Variants in ERF observed in about 807,000 individuals in gnomAD.
ERF encodes the protein ETS domain-containing transcription factor ERF.
A neutral mutation model predicts 41.6 loss-of-function variants in ERF; 10 were observed. The ratio of observed to expected loss-of-function variants is 0.24; its 90% CI spans 0.15 to 0.41. The LOEUF is 0.41. ERF is among the 10% of genes least tolerant of loss of function. The pLI is 1.00. For missense variants in ERF, 621 were observed against 763.2 expected (o/e 0.81, Z 2.19); for synonymous variants, 395 against 342.4 (o/e 1.15, Z -1.70).
intron 1 of ERF, 89 bp downstream of exon 1, chr19:42,254,888 TC>T (rs2036507982): frequency 4.3e-6 from 6 of 1,393,494 alleles, no homozygotes; most frequent in Middle Eastern, 1.8e-4. Flanking sequence ...TCACTCGGGC[TC>T]CCCCGGACCC....
chr19:42,251,427 A>T, intron 1 of ERF: 1 of 403,380 alleles, frequency 2.5e-6, no homozygotes, highest in Non-Finnish European at 2.8e-6. Context: ...TGGTCTCTGG[A>T]GGGGGTGGGC....
In ERF at chr19:42,255,007, G is replaced by A. The variant is rs749485105; in HGVS notation, c.-8C>T. ...GTCCGCCGGGGTCTTCATGCTGGGG[G>A]GCCCGGGGCGAAGCGCCCCGATTCC... On this transcript the variant is annotated 5_prime_UTR_variant, in exon 1 of 4. Coordinates refer to ENST00000222329, the MANE Select transcript of ERF (RefSeq NM_006494.4). 10 of 1,434,356 alleles carry A rather than the reference G, an allele frequency of 7.0e-6. No homozygotes were observed. Among genetic ancestry groups the A allele is most frequent in the African/African-American group, 1.5e-5 (1 of 66,988 alleles). The allele number at this position is 1,434,356 out of a possible 1,614,324, so 88.9% of individuals were successfully genotyped here. A position where few individuals can be genotyped will look rare whatever the true frequency, so the allele number is the denominator to read the frequency against.
rs566721892 is a variant in ERF, at chr19:42,248,368, G to C, written c.*97C>G. On this transcript the variant is annotated 3_prime_UTR_variant, in exon 4 of 4. Transcript: ENST00000222329. This position sits in a 1 kb window ranked among gnomAD's most constrained non-coding sequence, Gnocchi z 4.2. ...GGGAAAAGGGAGGAGGCAGGGAAGA[G>C]ACAAGAGAGCTGCCCTCACCTCCAG... 8 of 1,115,638 alleles carry C rather than the reference G, an allele frequency of 7.2e-6. No homozygotes were observed. In the Middle Eastern group the frequency reaches 9.8e-4, roughly 136 times the overall value. 69.1% of individuals were successfully genotyped at this position (1,115,638 alleles called of 1,614,324 possible). A position where few individuals can be genotyped will look rare whatever the true frequency, so the allele number is the denominator to read the frequency against.
chr19:42,255,105 C>G lies in ERF; in HGVS notation c.-106G>C. On this transcript the variant is annotated 5_prime_UTR_variant, in exon 1 of 4. Coordinates refer to ENST00000222329, the MANE Select transcript of ERF (RefSeq NM_006494.4). ...GTCGGGCCGCCCTCGCCGCCTCACCCGGCCTCGCCTCTCAGAGCCTCTCCC... is the reference window on the plus strand; with the variant it reads ...GTCGGGCCGCCCTCGCCGCCTCACCGGGCCTCGCCTCTCAGAGCCTCTCCC... The G allele has an allele frequency of 9.6e-7, 1 of 1,037,422 alleles. No individual in the cohort carries two copies. The highest frequency in any genetic ancestry group is 1.2e-6 in the Non-Finnish European group (1 of 803,942). 64.3% of individuals were successfully genotyped at this position (1,037,422 alleles called of 1,614,324 possible).
rs749850802 is a variant in ERF at position 42,248,863 on chromosome 19, C to T, written c.1249G>A (p.Ala417Thr). 1.9e-6 allele frequency: 3 copies of T among 1,602,116 alleles called. No homozygotes were observed. Among genetic ancestry groups the T allele is most frequent in the Non-Finnish European group, 2.6e-6 (3 of 1,175,102 alleles). ...ATCTGTGGTGGCGGGGGCGGTGGGG[C>T]TAGCGCCCCTGCCCCCTCAGCCAGC... The part of the protein sequence containing the change: ...GGLAEGAGAL[A>T]PPPPPPQIKV... Residue 417 changes from alanine (A) to threonine (T), a missense_variant, in exon 4 of 4, where the codon GCC (alanine) becomes ACC (threonine). Ala to Thr is a moderately conservative substitution (Grantham distance 58, BLOSUM62 0). Coordinates refer to ENST00000222329, the MANE Select transcript of ERF (RefSeq NM_006494.4). The surrounding 1 kb of genome is among the most constrained non-coding windows in gnomAD (Gnocchi z 4.2).
rs1410215570 is a variant in ERF, at chr19:42,250,579, G to A, written c.23-14C>T. Reference sequence around the variant, plus strand: ...GGAAGGCAAACCCTGGGGACGGGAGGCAGGGAGTGGCCTGGGGTCAGGCTG... The same window carrying A: ...GGAAGGCAAACCCTGGGGACGGGAGACAGGGAGTGGCCTGGGGTCAGGCTG... On this transcript the variant is annotated splice_polypyrimidine_tract_variant and intron_variant, in intron 1 of 3. Coordinates refer to ENST00000222329, the MANE Select transcript of ERF (RefSeq NM_006494.4). The surrounding 1 kb of genome is among the most constrained non-coding windows in gnomAD (Gnocchi z 5.1). The A allele has an allele frequency of 1.2e-6, 2 of 1,611,104 alleles. No homozygotes were observed. Among genetic ancestry groups the A allele is most frequent in the South Asian group, 1.1e-5 (1 of 90,776 alleles).
At position 42,248,629 on chromosome 19, in the gene ERF, C is replaced by T. The variant is rs772231752; in HGVS notation, c.1483G>A (p.Glu495Lys). ...CCCCCAGCGGGGCCCCCACCCCCTT[C>T]GAGGCGACAGTCTTCACTCCAGCGC... is the stretch of plus-strand genomic sequence containing the variant. ...KRRWSEDCRL[E>K]GGGGPAGGFE... The change falls in exon 4 of 4, where the codon GAA becomes AAA. Residue 495 changes from glutamate to lysine, a missense_variant. By Grantham distance (56) the Glu-to-Lys change is moderately conservative. This residue lies in a region of ERF where 569 missense variants were observed against 625.5 expected (regional missense o/e 0.91). Coordinates refer to ENST00000222329, the MANE Select transcript of ERF (RefSeq NM_006494.4). The surrounding 1 kb of genome is among the most constrained non-coding windows in gnomAD (Gnocchi z 4.2). 20 of 1,585,070 alleles carry T rather than the reference C, an allele frequency of 1.3e-5. No homozygotes were observed. Among genetic ancestry groups the T allele is most frequent in the Admixed American group, 1.7e-5 (1 of 57,272 alleles).
In ERF at chr19:42,254,969, C is replaced by A; in HGVS notation, c.22+9G>T. 1 of 1,493,288 alleles carries A rather than the reference C, an allele frequency of 6.7e-7. No individual in the cohort carries two copies. The highest frequency in any genetic ancestry group is 8.8e-7 in the Non-Finnish European group (1 of 1,130,430). 92.5% of individuals were successfully genotyped at this position (1,493,288 alleles called of 1,614,324 possible). A position where few individuals can be genotyped will look rare whatever the true frequency, so the allele number is the denominator to read the frequency against. On this transcript the variant is annotated intron_variant, in intron 1 of 3. Coordinates refer to ENST00000222329, the MANE Select transcript of ERF (RefSeq NM_006494.4). ...AAGTCTCCCCCACACGTGCTGCCCC[C>A]GCCCCCACCTGTGTCCGCCGGGGTC...
At chr19:42,253,875 G>A (rs1005207024) in intron 1 of ERF, 1 of 1,077,404 alleles carries the variant, frequency 9.3e-7, no homozygotes, top group African/African-American at 1.7e-5. Context: ...CGCCGCCGCC[G>A]CCGCCGCCGC....
rs1294545237 is a variant in ERF at position 42,249,730 on chromosome 19, C to A, written c.382G>T (p.Val128Leu). Residue 128 changes from valine (V) to leucine (L), a missense_variant, in exon 4 of 4, where the codon GTG becomes TTG. Physicochemically the swap from Val to Leu is conservative, Grantham distance 32 (BLOSUM62 1). This residue lies in a region of ERF where 569 missense variants were observed against 625.5 expected (regional missense o/e 0.91). Coordinates refer to ENST00000222329, the MANE Select transcript of ERF (RefSeq NM_006494.4). The surrounding 1 kb of genome is among the most constrained non-coding windows in gnomAD (Gnocchi z 8.6). Reference sequence around the variant, plus strand: ...GGCACTGGCGGGGCACTCTGGGGCACTGCACCCCCTGGCAGAAGGGAGACA... The same window carrying A: ...GGCACTGGCGGGGCACTCTGGGGCAATGCACCCCCTGGCAGAAGGGAGACA... ...FIDVGLAGGA[V>L]PQSAPPVPSG... is the part of the protein sequence containing the mutation. 11 of 1,602,858 alleles carry A rather than the reference C, an allele frequency of 6.9e-6. No individual in the cohort carries two copies. Among genetic ancestry groups the A allele is most frequent in the South Asian group, 5.6e-5 (5 of 89,670 alleles).
rs1175162734 is a variant in ERF, at chr19:42,248,826, G to T, written c.1286C>A (p.Pro429His). 1 of 1,613,030 alleles carries T rather than the reference G, an allele frequency of 6.2e-7. No individual in the cohort carries two copies. Among genetic ancestry groups the T allele is most frequent in the Admixed American group, 1.7e-5 (1 of 60,012 alleles). Residue 429 changes from proline (P) to histidine (H), a missense_variant, in exon 4 of 4, where the codon CCC becomes CAC. Pro to His is a moderately conservative substitution (Grantham distance 77). This residue lies in a region of ERF where 569 missense variants were observed against 625.5 expected (regional missense o/e 0.91). Transcript: ENST00000222329. The surrounding 1 kb of genome is among the most constrained non-coding windows in gnomAD (Gnocchi z 4.2). ...PPPPPQIKVE[P>H]ISEGESEEVE... is the part of the protein sequence containing the mutation. ...CTCCTCCGACTCGCCTTCCGAGATG[G>T]GCTCCACCTTGATCTGTGGTGGCGG...
chr19:42,253,409 C>T (rs929864501), intron 1 of ERF, among the ~76,000 whole-genome samples: 2 of 152,156 alleles, frequency 1.3e-5, no homozygotes, highest in Admixed American at 6.5e-5. Context: ...AGGCCTCCTT[C>T]CCCTCCCCTC....
At position 42,248,773 on chromosome 19, in the gene ERF, C is replaced by T; in HGVS notation, c.1339G>A (p.Asp447Asn). 1 of 1,613,552 alleles carries T rather than the reference C, an allele frequency of 6.2e-7. No individual in the cohort carries two copies. The highest frequency in any genetic ancestry group is 8.5e-7 in the Non-Finnish European group (1 of 1,179,972). The change falls in exon 4 of 4, where the codon GAT becomes AAT. Residue 447 changes from aspartate to asparagine, a missense_variant. Asp to Asn is a conservative substitution (Grantham distance 23). Coordinates refer to ENST00000222329, the MANE Select transcript of ERF (RefSeq NM_006494.4). The surrounding 1 kb of genome is among the most constrained non-coding windows in gnomAD (Gnocchi z 4.2). ...EVEVTDISDE[D>N]EEDGEVFKTP... ...TTGAACACCTCCCCGTCTTCCTCAT[C>T]CTCATCACTGATGTCAGTCACCTCT...
In ERF at chr19:42,248,368, GAC is replaced by G. The variant is rs879209908; in HGVS notation, c.*95_*96del. ...GGGAAAAGGGAGGAGGCAGGGAAGA[GAC>G]AAGAGAGCTGCCCTCACCTCCAGGG... On this transcript the variant is annotated 3_prime_UTR_variant, in exon 4 of 4. Transcript: ENST00000222329. The surrounding 1 kb of genome is among the most constrained non-coding windows in gnomAD (Gnocchi z 4.2). The G allele has an allele frequency of 9.0e-6, 10 of 1,115,520 alleles. No homozygotes were observed. The highest frequency in any genetic ancestry group is 3.2e-4 in the Middle Eastern group (1 of 3,094). The allele number at this position is 1,115,520 out of a possible 1,614,324, so 69.1% of individuals were successfully genotyped here.
At position 42,249,046 on chromosome 19, in the gene ERF, C is replaced by G. The variant is rs897260918; in HGVS notation, c.1066G>C (p.Glu356Gln). ...DKCPLPPMAP[E>Q]TPPVPSSASS... ...GCCGAGGAGGGGACCGGTGGGGTCT[C>G]GGGTGCCATGGGCGGCAGCGGGCAC... The change falls in exon 4 of 4, where the codon GAG becomes CAG. Residue 356 changes from glutamate (E) to glutamine (Q), a missense_variant. Transcript: ENST00000222329. This position sits in a 1 kb window ranked among gnomAD's most constrained non-coding sequence, Gnocchi z 8.6. 2.5e-6 allele frequency: 4 copies of G among 1,612,364 alleles called. No homozygotes were observed. Among genetic ancestry groups the G allele is most frequent in the Non-Finnish European group, 3.4e-6 (4 of 1,179,268 alleles).
At chr19:42,253,797 G>C (rs1330460835) in intron 1 of ERF, 9 of 851,564 alleles carry the variant, frequency 1.1e-5, no homozygotes, top group Non-Finnish European at 1.3e-5. Context: ...GGGTGGGAAT[G>C]GGGTGGGGAT....
In ERF at chr19:42,248,447, G is replaced by A. The variant is rs1376236221; in HGVS notation, c.*18C>T. 1.4e-6 allele frequency: 2 copies of A among 1,471,772 alleles called. No individual in the cohort carries two copies. The highest frequency in any genetic ancestry group is 1.8e-6 in the Non-Finnish European group (2 of 1,112,032). 91.2% of individuals were successfully genotyped at this position (1,471,772 alleles called of 1,614,324 possible). On this transcript the variant is annotated 3_prime_UTR_variant, in exon 4 of 4. Coordinates refer to ENST00000222329, the MANE Select transcript of ERF (RefSeq NM_006494.4). This position sits in a 1 kb window ranked among gnomAD's most constrained non-coding sequence, Gnocchi z 4.2. ...AGCATGGGGGGTGCGGGGCACACAG[G>A]TCCCCTGCCCACAGCCCTCAGGAGT...
rs2036391624 is a variant in ERF, at chr19:42,249,093, G to C, written c.1019C>G (p.Pro340Arg). Residue 340 changes from proline (P) to arginine (R), a missense_variant, in exon 4 of 4, where the codon CCC (proline) becomes CGC (arginine). Transcript: ENST00000222329. This position sits in a 1 kb window ranked among gnomAD's most constrained non-coding sequence, Gnocchi z 8.6. ...GCACTTGTCAGGGCGCTGGGGCTGG[G>C]GCACCACCAGCCCAGGGTAGTGCAG... ...AFLHYPGLVV[P>R]QPQRPDKCPL... The C allele has an allele frequency of 6.2e-7, 1 of 1,613,578 alleles. No individual in the cohort carries two copies. The highest frequency in any genetic ancestry group is 1.3e-5 in the African/African-American group (1 of 74,914).
intron 1 of ERF, among the ~76,000 whole-genome samples, chr19:42,251,033 C>T (rs905770067): frequency 6.6e-6 from 1 of 152,064 alleles, no homozygotes; most frequent in Non-Finnish European, 1.5e-5. Flanking sequence ...GAAGACCCAA[C>T]AGAGCCCCTA....
Sources: allele counts gnomAD v4.1 joint callset (sites outside exome capture counted in the v4.1 genomes callset), GRCh38; gene constraint gnomAD v4.1.1; regional missense constraint gnomAD v4.1.1; non-coding constraint Gnocchi (gnomAD v3.1); transcripts MANE v1.5; gene names NCBI Gene and HGNC (gene_info 2026-07-23, HGNC 2026-07-21).